The following CNTN3 variants were observed in gnomAD, a reference collection of about 807,000 sequenced individuals.
CNTN3 encodes contactin-3.
Under a neutral mutation model 119.1 loss-of-function variants are expected in CNTN3, and 60 were observed. That is an observed-to-expected ratio of 0.50 (90% CI 0.41 to 0.62). The LOEUF is 0.62. Ranked by LOEUF, CNTN3 falls within the 20% of genes least tolerant of loss-of-function variation. The pLI is 0.00. For synonymous variants in CNTN3, 450 were observed against 438.7 expected, an observed-to-expected ratio of 1.03 and a Z score of -0.32; for missense variants, 1,101 against 1,242.4, an observed-to-expected ratio of 0.89 and a Z score of 1.71.
intron 1 of CNTN3, among the ~76,000 whole-genome samples, chr3:74,523,291 A>T (rs936732959): frequency 6.6e-6 from 1 of 151,932 alleles, no homozygotes; most frequent in Admixed American, 6.6e-5. Context: ...AAACATGCAT[A>T]CACATATAGA....
chr3:74,285,814 T>G (rs1168886749), intron 19 of CNTN3, among the ~76,000 whole-genome samples: 4 of 117,174 alleles, frequency 3.4e-5, no homozygotes, highest in African/African-American at 1.6e-4. Flanking sequence ...TATATATATA[T>G]ATATATATAT....
At chr3:74,388,093 T>G (rs1370233775) in intron 5 of CNTN3, among the ~76,000 whole-genome samples, 1 of 152,166 alleles carries the variant, frequency 6.6e-6, no homozygotes, top group South Asian at 2.1e-4. Context: ...GCTCTTGGAA[T>G]AGCCAGTCAT....
At chr3:74,597,238 CAGAA>C (rs1354926452) in intron 1 of CNTN3, among the ~76,000 whole-genome samples, 1 of 152,046 alleles carries the variant, frequency 6.6e-6, no homozygotes, top group African/African-American at 2.4e-5. Context: ...ATAACTATTT[CAGAA>C]AGAGTTTATC....
At chr3:74,449,757 T>G (rs1470340820) in intron 4 of CNTN3, among the ~76,000 whole-genome samples, 1 of 152,142 alleles carries the variant, frequency 6.6e-6, no homozygotes, top group Non-Finnish European at 1.5e-5. Context: ...CACTTGGCAT[T>G]AATTGGTTTT....
At chr3:74,511,631 T>G (rs973018169) in intron 2 of CNTN3, among the ~76,000 whole-genome samples, 1 of 152,088 alleles carries the variant, frequency 6.6e-6, no homozygotes, top group Non-Finnish European at 1.5e-5. Context: ...ATCTTACCAC[T>G]ACACTTCAGC....
At chr3:74,357,706 G>A (rs1390879741) in intron 11 of CNTN3, among the ~76,000 whole-genome samples, 2 of 152,068 alleles carry the variant, frequency 1.3e-5, no homozygotes, top group African/African-American at 4.8e-5. Context: ...TGGCCTCTAT[G>A]TTAGGCTAGA....
rs540245495 is a variant in CNTN3 at position 74,263,638 on chromosome 3, T to C, written c.*763A>G. The C allele has an allele frequency of 6.6e-6, 1 of 152,214 alleles. No homozygotes were observed. Among genetic ancestry groups the C allele is most frequent in the South Asian group, 2.1e-4 (1 of 4,828 alleles). 9.4% of individuals were successfully genotyped at this position (152,214 alleles called of 1,614,324 possible). A position where few individuals can be genotyped will look rare whatever the true frequency, so the allele number is the denominator to read the frequency against. On this transcript the variant is annotated 3_prime_UTR_variant, in exon 23 of 23. Coordinates refer to ENST00000263665, the MANE Select transcript of CNTN3 (RefSeq NM_020872.3). ...GCTGGTCTTCATGACTTTTATGTGA[T>C]TAAATAAATTCATGCTAATATTTTG...
chr3:74,513,484 C>T (rs1703402877), intron 2 of CNTN3, among the ~76,000 whole-genome samples: 2 of 152,070 alleles, frequency 1.3e-5, no homozygotes, highest in African/African-American at 4.8e-5. Flanking sequence ...TCTCTCAGGT[C>T]AGCAGACACT....
At chr3:74,318,256 T>C (rs757145378) in intron 13 of CNTN3, among the ~76,000 whole-genome samples, 2 of 152,150 alleles carry the variant, frequency 1.3e-5, no homozygotes, top group Non-Finnish European at 2.9e-5. Context: ...TTTTCACAGT[T>C]TTTAACTTCT....
chr3:74,541,691 T>G (rs1440663494), intron 1 of CNTN3, among the ~76,000 whole-genome samples: 1 of 152,190 alleles, frequency 6.6e-6, no homozygotes, highest in Non-Finnish European at 1.5e-5. Flanking sequence ...AATGTCCTAT[T>G]AAGCTATGTG....
At chr3:74,307,984 C>T in intron 13 of CNTN3, among the ~76,000 whole-genome samples, 1 of 152,118 alleles carries the variant, frequency 6.6e-6, no homozygotes, top group East Asian at 1.9e-4. Flanking sequence ...TCATTCATTC[C>T]TTCACTGGGT....
intron 1 of CNTN3, among the ~76,000 whole-genome samples, chr3:74,548,405 C>T (rs1211183887): frequency 6.6e-6 from 1 of 152,140 alleles, no homozygotes; most frequent in Admixed American, 6.5e-5. Flanking sequence ...GGAATGGCAA[C>T]TGAACATTAT....
intron 19 of CNTN3, among the ~76,000 whole-genome samples, chr3:74,288,881 C>T (rs552897204): frequency 5.3e-5 from 8 of 152,260 alleles, no homozygotes; most frequent in East Asian, 3.9e-4. Context: ...CTGAGTGTAA[C>T]GGCTTAGCTG....
At chr3:74,423,387 C>T (rs1701647183) in intron 5 of CNTN3, among the ~76,000 whole-genome samples, 1 of 152,202 alleles carries the variant, frequency 6.6e-6, no homozygotes, top group South Asian at 2.1e-4. Context: ...ATATCCGAGC[C>T]TTGCTCAGTC....
At chr3:74,566,504 C>T (rs1386437468) in intron 1 of CNTN3, among the ~76,000 whole-genome samples, 1 of 152,154 alleles carries the variant, frequency 6.6e-6, no homozygotes, top group Non-Finnish European at 1.5e-5. Context: ...CTTCTTCTAG[C>T]TTCTAGTGCT....
intron 16 of CNTN3, among the ~76,000 whole-genome samples, chr3:74,300,687 T>C (rs1575707977): frequency 6.6e-6 from 1 of 152,332 alleles, no homozygotes; most frequent in Admixed American, 6.5e-5. Flanking sequence ...ATTTGATGAC[T>C]TCCATCTTAG....
At chr3:74,461,584 A>G (rs1353215828) in intron 4 of CNTN3, among the ~76,000 whole-genome samples, 2 of 152,048 alleles carry the variant, frequency 1.3e-5, no homozygotes, top group South Asian at 2.1e-4. Flanking sequence ...GTTAAAATTG[A>G]TAAGTAGGTT....
intron 20 of CNTN3, among the ~76,000 whole-genome samples, chr3:74,281,203 G>A (rs529185873): frequency 3.4e-4 from 52 of 152,188 alleles, no homozygotes; most frequent in Non-Finnish European, 1.5e-4. Flanking sequence ...GACATTATCA[G>A]GATGTCAAGG....
rs189424860 is a variant in CNTN3 at position 74,479,505 on chromosome 3, C to G, written c.358+6951G>C. ...CATTCTGAAAGAAAAAGATTTGTAACATATTATTCATACTAAGTTAAGCTA... is the reference window on the plus strand; with the variant it reads ...CATTCTGAAAGAAAAAGATTTGTAAGATATTATTCATACTAAGTTAAGCTA... On this transcript the variant is annotated intron_variant, in intron 4 of 22. Transcript: ENST00000263665. 2.0e-5 allele frequency among the ~76,000 whole-genome samples: 3 copies of G among 152,228 alleles called. No individual in the cohort carries two copies. The East Asian group carries it at 5.8e-4, about 30-fold the overall frequency.
Sources: gnomAD v4.1 joint callset for allele counts (sites outside exome capture counted in the v4.1 genomes callset) on GRCh38, gnomAD v4.1.1 for gene constraint, MANE v1.5 for transcripts, NCBI Gene and HGNC (gene_info 2026-07-23, HGNC 2026-07-21) for gene names.